PDE4D: variants seen among roughly 807,000 people sequenced by gnomAD.
PDE4D encodes the protein 3',5'-cyclic-AMP phosphodiesterase 4D.
In PDE4D, 24 loss-of-function variants were observed where a neutral mutation model predicts 87.4. That is an observed-to-expected ratio of 0.27 (90% CI 0.20 to 0.39). The LOEUF (loss-of-function observed/expected upper bound fraction) is 0.39. Among genes scored for constraint, PDE4D ranks in the 10% least tolerant of loss-of-function variants. The probability of loss-of-function intolerance (pLI) is 1.00; values close to 1 mark genes in which losing one functional copy is unlikely to be tolerated. For missense variants in PDE4D, 714 were observed against 1,041.0 expected (o/e 0.69, Z 4.32); for synonymous variants, 384 against 383.2 (o/e 1.00, Z -0.02).
intron 1 of PDE4D, among the ~76,000 whole-genome samples, chr5:59,814,952 G>A (rs1033730708): frequency 2.6e-5 from 4 of 152,188 alleles, no homozygotes; most frequent in South Asian, 2.1e-4. Context: ...AGGTGGCTAA[G>A]AACAGCACAG....
At chr5:60,292,230 AT>A (rs1371568025) in intron 1 of PDE4D, among the ~76,000 whole-genome samples, 3 of 152,202 alleles carry the variant, frequency 2.0e-5, no homozygotes, top group Non-Finnish European at 4.4e-5. Flanking sequence ...CCAAAACAAA[AT>A]ATCCTTTTGG....
chr5:59,518,030 T>C (rs551959901), intron 1 of PDE4D, among the ~76,000 whole-genome samples: 13 of 152,298 alleles, frequency 8.5e-5, no homozygotes, highest in Admixed American at 2.0e-4. Flanking sequence ...GCCTAATCGT[T>C]TTATGAATGT....
chr5:59,447,838 C>A (rs1414090757), intron 1 of PDE4D, among the ~76,000 whole-genome samples: 4 of 152,308 alleles, frequency 2.6e-5, no homozygotes, highest in Non-Finnish European at 5.9e-5. Context: ...AGATCTGTGG[C>A]ATTTCTAAAC....
chr5:59,409,147 CAA>C (rs34575207), intron 1 of PDE4D, among the ~76,000 whole-genome samples: 17 of 116,382 alleles, frequency 1.5e-4, no homozygotes, highest in Non-Finnish European at 1.1e-4. Flanking sequence ...GACTCCATTT[CAA>C]AAAAAAAAAA....
intron 1 of PDE4D, among the ~76,000 whole-genome samples, chr5:59,866,668 A>C (rs539312518): frequency 6.6e-6 from 1 of 152,274 alleles, no homozygotes; most frequent in South Asian, 2.1e-4. Context: ...AAAAATAAAA[A>C]TAAAGGAAAG....
At chr5:59,154,146 G>T (rs535408722) in intron 5 of PDE4D, among the ~76,000 whole-genome samples, 1 of 152,232 alleles carries the variant, frequency 6.6e-6, no homozygotes, top group Non-Finnish European at 1.5e-5. Flanking sequence ...GGCTTGAAAA[G>T]GTTTTAAGAA....
intron 1 of PDE4D, among the ~76,000 whole-genome samples, chr5:59,247,738 C>T (rs910007766): frequency 2.0e-4 from 30 of 152,024 alleles, no homozygotes; most frequent in African/African-American, 6.8e-4. Flanking sequence ...GCTGCTCTGG[C>T]TCCTCCTCCT....
chr5:59,551,991 G>A (rs1321470373), intron 1 of PDE4D, among the ~76,000 whole-genome samples: 2 of 152,076 alleles, frequency 1.3e-5, no homozygotes, highest in East Asian at 3.9e-4. Context: ...CAACACAGGC[G>A]GATTGCTTGA....
chr5:59,515,347 A>T (rs951650146), intron 1 of PDE4D, among the ~76,000 whole-genome samples: 3 of 152,222 alleles, frequency 2.0e-5, no homozygotes, highest in African/African-American at 7.2e-5. Context: ...GCAGGTTCTC[A>T]GTGCCTGACC....
At chr5:60,137,253 A>G (rs1780135248) in intron 2 of PDE4D, among the ~76,000 whole-genome samples, 1 of 152,182 alleles carries the variant, frequency 6.6e-6, no homozygotes, top group African/African-American at 2.4e-5. Flanking sequence ...CAGTGCTGCA[A>G]TGAACATACA....
intron 1 of PDE4D, among the ~76,000 whole-genome samples, chr5:60,351,812 TATTTA>T (rs1759223829): frequency 1.4e-5 from 2 of 146,614 alleles, no homozygotes; most frequent in Admixed American, 6.7e-5. Context: ...TTTATTTATT[TATTTA>T]TTTTTAGAGA....
intron 6 of PDE4D, among the ~76,000 whole-genome samples, chr5:59,005,254 A>G (rs1751378147): frequency 6.6e-6 from 1 of 152,206 alleles, no homozygotes; most frequent in African/African-American, 2.4e-5. Context: ...TGGTCCCTTC[A>G]TTCAACAGAC....
chr5:59,414,949 G>C (rs1408024448), intron 1 of PDE4D, among the ~76,000 whole-genome samples: 2 of 152,200 alleles, frequency 1.3e-5, no homozygotes, highest in Admixed American at 1.3e-4. Context: ...TGAAGAAATA[G>C]TTTGAACTGT....
intron 1 of PDE4D, among the ~76,000 whole-genome samples, chr5:59,538,046 A>T (rs37572): frequency 0.36 from 55,454 of 152,052 alleles, 10,992 homozygotes; most frequent in East Asian, 0.84. Flanking sequence ...GTTGAAGTAA[A>T]ATCCCAACTG....
intron 7 of PDE4D, 128 bp downstream of exon 7, chr5:58,993,244 G>A (rs924845509): frequency 1.4e-4 from 75 of 534,406 alleles, no homozygotes; most frequent in Middle Eastern, 2.8e-4. Context: ...TTAATATGAC[G>A]AATGAAAACA....
At chr5:60,046,006 A>G (rs542728867) in intron 2 of PDE4D, among the ~76,000 whole-genome samples, 3,739 of 152,064 alleles carry the variant, frequency 0.025, 147 homozygotes, top group African/African-American at 0.086. Flanking sequence ...AGCATGGAAT[A>G]TTCTTCCATT....
intron 5 of PDE4D, among the ~76,000 whole-genome samples, chr5:59,109,383 G>T (rs1772221670): frequency 6.6e-6 from 1 of 152,182 alleles, no homozygotes; most frequent in Admixed American, 6.5e-5. Flanking sequence ...AGAAAAGTAT[G>T]GGTGCTATAA....
intron 5 of PDE4D, among the ~76,000 whole-genome samples, chr5:59,138,480 T>A (rs1252384388): frequency 6.6e-6 from 1 of 152,052 alleles, no homozygotes; most frequent in African/African-American, 2.4e-5. Flanking sequence ...AGAGATGGGG[T>A]TTCACCATAT....
At chr5:59,042,184 G>C (rs1399929620) in intron 5 of PDE4D, among the ~76,000 whole-genome samples, 1 of 152,182 alleles carries the variant, frequency 6.6e-6, no homozygotes, top group Non-Finnish European at 1.5e-5. Context: ...TATTAGCATA[G>C]AGCTGAGAAT....
Sources: gnomAD v4.1 joint callset for allele counts (sites outside exome capture counted in the v4.1 genomes callset) on GRCh38, gnomAD v4.1.1 for gene constraint, MANE v1.5 for transcripts, NCBI Gene and HGNC (gene_info 2026-07-23, HGNC 2026-07-21) for gene names.